SSU72: variants seen among roughly 807,000 people sequenced by gnomAD.
SSU72 encodes SSU72 homolog, RNA polymerase II CTD phosphatase.
A neutral mutation model predicts 22.7 loss-of-function variants in SSU72; 12 were observed. The ratio of observed to expected loss-of-function variants is 0.53; its 90% CI spans 0.34 to 0.86. The LOEUF is 0.86. SSU72 is among the 40% of genes least tolerant of loss of function. The pLI is 0.02. For synonymous variants in SSU72, 116 were observed against 98.3 expected (o/e 1.18, Z -1.06); for missense variants, 151 against 249.8 (o/e 0.60, Z 2.67).
At position 1,552,159 on chromosome 1, in the gene SSU72, G is replaced by A. The variant is rs541682842; in HGVS notation, c.225-7157C>T. Among the ~76,000 whole-genome samples the A allele has an allele frequency of 1.2e-4, 18 of 152,322 alleles. No homozygotes were observed. In the South Asian group the frequency reaches 2.5e-3, roughly 21 times the overall value. On this transcript the variant is annotated intron_variant, in intron 2 of 4. Coordinates refer to ENST00000291386, the MANE Select transcript of SSU72 (RefSeq NM_014188.3). ...CCATCCTCACGCTGGCCGCGTGGAC[G>A]CAGGGCCACAGCTTCCTCCGCGAAG...
At chr1:1,562,715 T>C (rs1408643926) in intron 2 of SSU72, 1 of 152,336 alleles carries the variant, frequency 6.6e-6, no homozygotes, top group Non-Finnish European at 1.5e-5. Flanking sequence ...AGGGCCTCCT[T>C]TCCAAGGCAC....
rs202237775 is a variant in SSU72, at chr1:1,543,847, C to T, written c.483+22G>A. 7.4e-4 allele frequency: 1,179 copies of T among 1,586,322 alleles called. 1 individual carries two copies. Among genetic ancestry groups the T allele is most frequent in the South Asian group, 1.2e-3 (111 of 90,458 alleles). ...CCTCTGTCACAACCTCTGCCCAGCGCGGCGCCCAGCCGGGTACTTACACAC... is the reference window on the plus strand; with the variant it reads ...CCTCTGTCACAACCTCTGCCCAGCGTGGCGCCCAGCCGGGTACTTACACAC... On this transcript the variant is annotated intron_variant, in intron 4 of 4. Transcript: ENST00000291386.
intron 2 of SSU72, among the ~76,000 whole-genome samples, chr1:1,553,255 C>T (rs1276250311): frequency 6.6e-6 from 1 of 152,098 alleles, no homozygotes; most frequent in Non-Finnish European, 1.5e-5. Context: ...GGCTCGGCCC[C>T]TCTGTGCCCC....
rs370718153 is a variant in SSU72, at chr1:1,568,236, G to A, written c.81-3320C>T. On this transcript the variant is annotated intron_variant, in intron 1 of 4. Transcript: ENST00000291386. ...CTCCTGACACCAACAGGCTTCGCCT[G>A]AAGGGCCAACGCCTTTGTAAACTAA... 2.2e-3 allele frequency among the ~76,000 whole-genome samples: 330 copies of A among 152,332 alleles called. 2 individuals are homozygous for A. The highest frequency in any genetic ancestry group is 7.5e-3 in the African/African-American group (312 of 41,574).
chr1:1,557,035 C>T (rs1642529489), intron 2 of SSU72, among the ~76,000 whole-genome samples: 2 of 152,234 alleles, frequency 1.3e-5, no homozygotes, highest in Admixed American at 6.5e-5. Context: ...CTAAAACCCA[C>T]GATCAGAGTT....
At position 1,566,099 on chromosome 1, in the gene SSU72, T is replaced by C. The variant is rs555662056; in HGVS notation, c.81-1183A>G. On this transcript the variant is annotated intron_variant, in intron 1 of 4. Transcript: ENST00000291386. Reference sequence around the variant, plus strand: ...GGCGAAACCCCAGCTCCGTTTCTACTAAAAAAAAAAAAAAAATTAGCTGGG... The same window carrying C: ...GGCGAAACCCCAGCTCCGTTTCTACCAAAAAAAAAAAAAAAATTAGCTGGG... 1.6e-4 allele frequency among the ~76,000 whole-genome samples: 22 copies of C among 140,178 alleles called. No homozygotes were observed. In the East Asian group the frequency reaches 4.4e-3, roughly 28 times the overall value. 92.0% of individuals were successfully genotyped at this position (140,178 alleles called of 152,430 possible).
At chr1:1,566,905 G>A (rs533002686) in intron 1 of SSU72, among the ~76,000 whole-genome samples, 1 of 152,106 alleles carries the variant, frequency 6.6e-6, no homozygotes, top group South Asian at 2.1e-4. Flanking sequence ...TGTCACAAGA[G>A]AGGAAAAACT....
At chr1:1,571,584 G>A (rs975556892) in intron 1 of SSU72, among the ~76,000 whole-genome samples, 3 of 151,962 alleles carry the variant, frequency 2.0e-5, no homozygotes, top group Non-Finnish European at 2.9e-5. Context: ...TTGAATGATG[G>A]CGGCACAGGT....
rs1642496669 is a variant in SSU72 at position 1,554,553 on chromosome 1, G to A, written c.225-9551C>T. 6.6e-6 allele frequency among the ~76,000 whole-genome samples: 1 copy of A among 152,178 alleles called. No individual in the cohort carries two copies. The highest frequency in any genetic ancestry group is 1.5e-5 in the Non-Finnish European group (1 of 68,022). ...GGTTTTCTCTTTTCACTCCCTAGGG[G>A]CCTTAGTGGGACCAGAACATCCCGG... On this transcript the variant is annotated intron_variant, in intron 2 of 4. Transcript: ENST00000291386. The surrounding 1 kb of genome is among the most constrained non-coding windows in gnomAD (Gnocchi z 4.1).
chr1:1,545,082 G>A, intron 2 of SSU72, 80 bp from the exon 3 acceptor site: 2 of 1,527,322 alleles, frequency 1.3e-6, no homozygotes, highest in Non-Finnish European at 1.8e-6. Context: ...TGGACACCCA[G>A]CCCCTTCCCT....
At chr1:1,563,898 A>C (rs1016499789) in intron 2 of SSU72, 2 of 152,246 alleles carry the variant, frequency 1.3e-5, no homozygotes, top group Admixed American at 6.6e-5. Flanking sequence ...CAATACATAG[A>C]CAATGCTGGG....
At chr1:1,546,834 C>T (rs1324031169) in intron 2 of SSU72, among the ~76,000 whole-genome samples, 1 of 131,446 alleles carries the variant, frequency 7.6e-6, no homozygotes, top group African/African-American at 2.9e-5. Flanking sequence ...CAGAGTAAAA[C>T]TCCTTCTGGA....
chr1:1,552,611 G>A (rs891320984), intron 2 of SSU72, among the ~76,000 whole-genome samples: 2 of 152,236 alleles, frequency 1.3e-5, no homozygotes, highest in African/African-American at 4.8e-5. Context: ...CCTCAGGACG[G>A]TGTCTCCTTC....
At chr1:1,543,847 C>G (rs202237775) in intron 4 of SSU72, 22 bp downstream of exon 4, 1 of 1,586,328 alleles carries the variant, frequency 6.3e-7, no homozygotes, top group South Asian at 1.1e-5. Context: ...CTGCCCAGCG[C>G]GGCGCCCAGC....
rs1301182543 is a variant in SSU72 at position 1,564,767 on chromosome 1, G to C, written c.224+6C>G. On this transcript the variant is annotated splice_donor_region_variant and intron_variant, in intron 2 of 4. Transcript: ENST00000291386. ...GGGGTTTTTAAAGGGCAACCCGCTG[G>C]GATACAGTTCTTTGTCTTTCCTAAG... The C allele has an allele frequency of 2.5e-6, 4 of 1,614,192 alleles. No homozygotes were observed. Among genetic ancestry groups the C allele is most frequent in the Non-Finnish European group, 3.4e-6 (4 of 1,180,040 alleles).
chr1:1,558,503 G>GACCCT (rs1281601845), intron 2 of SSU72, among the ~76,000 whole-genome samples: 1 of 152,218 alleles, frequency 6.6e-6, no homozygotes, highest in Non-Finnish European at 1.5e-5. Context: ...GGCCAGACGA[G>GACCCT]ACCCAGGAAA....
chr1:1,543,399 G>A (rs571474598), intron 4 of SSU72, among the ~76,000 whole-genome samples: 7 of 152,358 alleles, frequency 4.6e-5, no homozygotes, highest in East Asian at 3.8e-4. Context: ...CCCTGGAGCC[G>A]TGTCCTGGGA....
intron 2 of SSU72, among the ~76,000 whole-genome samples, chr1:1,548,022 T>G (rs977651423): frequency 2.0e-5 from 3 of 152,096 alleles, no homozygotes; most frequent in Non-Finnish European, 4.4e-5. Flanking sequence ...GGGCCCCAAC[T>G]GGGCATGAGG....
chr1:1,547,280 G>A (rs926320209), intron 2 of SSU72, among the ~76,000 whole-genome samples: 4 of 152,174 alleles, frequency 2.6e-5, no homozygotes, highest in African/African-American at 4.8e-5. Flanking sequence ...GCTCATGGAC[G>A]TTCAAGGCCA....
Sources: gnomAD v4.1 joint callset for allele counts (sites outside exome capture counted in the v4.1 genomes callset) on GRCh38, gnomAD v4.1.1 for gene constraint, Gnocchi (gnomAD v3.1) non-coding constraint, MANE v1.5 for transcripts, NCBI Gene and HGNC (gene_info 2026-07-23, HGNC 2026-07-21) for gene names.